REDIC1: variants seen among roughly 807,000 people sequenced by gnomAD.
REDIC1 encodes the protein HEI10 Interacting Protein 1.
chr12:39,806,032 C>T, the REDIC1 span, among the ~76,000 whole-genome samples: 1 of 152,100 alleles, frequency 6.6e-6, no homozygotes, highest in Admixed American at 6.6e-5. Context: ...TTGATTGCTA[C>T]CAGAAAAAGC....
the REDIC1 span, among the ~76,000 whole-genome samples, chr12:39,813,291 T>A: frequency 2.0e-5 from 3 of 152,236 alleles, no homozygotes; most frequent in African/African-American, 7.2e-5. Context: ...TATTTTGACA[T>A]ACATCAAAAT....
At chr12:39,682,965 A>T in the REDIC1 span, 3 of 1,613,476 alleles carry the variant, frequency 1.9e-6, no homozygotes, top group Non-Finnish European at 2.5e-6. Context: ...GATGCATTAG[A>T]AACATTTTTA....
At chr12:39,892,875 T>G in the REDIC1 span, among the ~76,000 whole-genome samples, 1 of 152,258 alleles carries the variant, frequency 6.6e-6, no homozygotes, top group South Asian at 2.1e-4. Context: ...TTTTTCTCAA[T>G]AAAGCAAAAT....
the REDIC1 span, among the ~76,000 whole-genome samples, chr12:39,633,854 ATTATCTACCCTT>A: frequency 6.6e-6 from 1 of 152,180 alleles, no homozygotes; most frequent in Non-Finnish European, 1.5e-5. Flanking sequence ...GTCTCAGTTC[ATTATCTACCCTT>A]TTTCTTCTTG....
At chr12:39,807,358 T>C in the REDIC1 span, among the ~76,000 whole-genome samples, 2 of 152,144 alleles carry the variant, frequency 1.3e-5, no homozygotes, top group African/African-American at 4.8e-5. Context: ...AAACGGAAAG[T>C]CTGAACACAA....
chr12:39,859,410 A>G, the REDIC1 span, among the ~76,000 whole-genome samples: 1 of 145,662 alleles, frequency 6.9e-6, no homozygotes, highest in African/African-American at 2.5e-5. Context: ...CCTGGGGAGC[A>G]TTTCAAAACA....
At chr12:39,882,853 CTT>C in the REDIC1 span, among the ~76,000 whole-genome samples, 3 of 152,194 alleles carry the variant, frequency 2.0e-5, no homozygotes, top group Non-Finnish European at 4.4e-5. Flanking sequence ...ACACACACCA[CTT>C]TGTTTCTGGT....
the REDIC1 span, among the ~76,000 whole-genome samples, chr12:39,699,802 C>G: frequency 6.6e-6 from 1 of 152,188 alleles, no homozygotes; most frequent in African/African-American, 2.4e-5. Context: ...CCCGAGCAGC[C>G]TAACTGGGAG....
chr12:39,677,740 C>G, the REDIC1 span, among the ~76,000 whole-genome samples: 2 of 152,080 alleles, frequency 1.3e-5, no homozygotes, highest in African/African-American at 4.8e-5. Flanking sequence ...ATATCAAGTA[C>G]TCTCTCAGAA....
the REDIC1 span, among the ~76,000 whole-genome samples, chr12:39,785,926 C>G: frequency 6.6e-6 from 1 of 152,152 alleles, no homozygotes; most frequent in Admixed American, 6.5e-5. Context: ...ATACCTGTAT[C>G]CTCATTGTAT....
chr12:39,712,973 G>A, the REDIC1 span, among the ~76,000 whole-genome samples: 1 of 19,296 alleles, frequency 5.2e-5, no homozygotes, highest in African/African-American at 1.9e-4. Flanking sequence ...ACGTGTATAT[G>A]TATATATACA....
the REDIC1 span, among the ~76,000 whole-genome samples, chr12:39,652,996 C>T: frequency 2.3e-4 from 35 of 151,834 alleles, no homozygotes; most frequent in Non-Finnish European, 2.7e-4. Context: ...AGTGTTTTGG[C>T]TCTTCTTAAT....
the REDIC1 span, among the ~76,000 whole-genome samples, chr12:39,706,341 C>T: frequency 2.0e-5 from 3 of 151,948 alleles, no homozygotes; most frequent in Non-Finnish European, 4.4e-5. Context: ...ATTCCCTGTT[C>T]ATGGATTAGA....
chr12:39,774,365 C>CTTA, the REDIC1 span, among the ~76,000 whole-genome samples: 4 of 152,210 alleles, frequency 2.6e-5, no homozygotes, highest in South Asian at 8.3e-4. Flanking sequence ...CAAACTTGGC[C>CTTA]CATTACTTCT....
At chr12:39,792,802 T>TG in the REDIC1 span, among the ~76,000 whole-genome samples, 2 of 17,726 alleles carry the variant, frequency 1.1e-4, no homozygotes, top group Non-Finnish European at 2.9e-4. Context: ...CTGTATTTAA[T>TG]GAAAAAAAAA....
chr12:39,894,459 T>G, the REDIC1 span, among the ~76,000 whole-genome samples: 1 of 152,176 alleles, frequency 6.6e-6, no homozygotes, highest in Non-Finnish European at 1.5e-5. Context: ...AAGGACTTAC[T>G]CAATATAAAG....
chr12:39,827,283 G>GGTTTT, the REDIC1 span, among the ~76,000 whole-genome samples: 4 of 152,060 alleles, frequency 2.6e-5, no homozygotes, highest in African/African-American at 9.7e-5. Context: ...AAAGGCTCTT[G>GGTTTT]GTTTTGCTTT....
the REDIC1 span, among the ~76,000 whole-genome samples, chr12:39,666,719 TATTA>T: frequency 6.6e-6 from 1 of 152,130 alleles, no homozygotes; most frequent in Non-Finnish European, 1.5e-5. Context: ...GTTGGTAAGC[TATTA>T]ATTATTGCCT....
chr12:39,707,720 C>T, the REDIC1 span, among the ~76,000 whole-genome samples: 1 of 151,792 alleles, frequency 6.6e-6, no homozygotes, highest in Non-Finnish European at 1.5e-5. Context: ...TGTTTAATTT[C>T]TTGAGAAGTT....
Sources: gnomAD v4.1 joint callset for allele counts (sites outside exome capture counted in the v4.1 genomes callset) on GRCh38, gnomAD v4.1.1 for gene constraint, MANE v1.5 for transcripts, NCBI Gene and HGNC (gene_info 2026-07-23, HGNC 2026-07-21) for gene names.